The following MROH1 variants were observed in gnomAD, a reference collection of about 807,000 sequenced individuals.
The protein encoded by MROH1 is maestro heat like repeat family member 1, also known as maestro heat-like repeat-containing protein family member 1.
MROH1 carries 117 observed loss-of-function variants against 116.5 expected under a neutral mutation model. That is an observed-to-expected ratio of 1.00 (90% CI 0.86 to 1.17). The LOEUF is 1.17. Among genes scored for constraint, MROH1 ranks in the 50% most tolerant of loss-of-function variants. The probability of loss-of-function intolerance (pLI) is 0.00; values close to 1 mark genes in which losing one functional copy is unlikely to be tolerated. For synonymous variants in MROH1, 921 were observed against 583.9 expected (o/e 1.58, Z -8.32); for missense variants, 1,873 against 1,338.5 (o/e 1.40, Z -6.23).
intron 14 of MROH1, among the ~76,000 whole-genome samples, chr8:144,233,345 C>T (rs1554823454): frequency 4.1e-5 from 6 of 145,272 alleles, no homozygotes; most frequent in South Asian, 4.5e-4. Flanking sequence ...GCAGCTCCTG[C>T]ACCCACCATC....
intron 1 of MROH1, among the ~76,000 whole-genome samples, chr8:144,160,602 A>G (rs1819272862): frequency 1.3e-5 from 2 of 152,092 alleles, no homozygotes; most frequent in Non-Finnish European, 2.9e-5. Context: ...CAAATTTATT[A>G]CCATAAAGTT....
intron 8 of MROH1, 98 bp from the exon 9 acceptor site, chr8:144,191,617 G>A: frequency 1.4e-6 from 2 of 1,476,682 alleles, no homozygotes; most frequent in Non-Finnish European, 9.1e-7. Context: ...TGGTAGCCCA[G>A]TGTTCGTTCA....
At chr8:144,239,222 C>T (rs1840560474) in intron 16 of MROH1, 43 bp downstream of exon 16, 2 of 749,440 alleles carry the variant, frequency 2.7e-6, no homozygotes, top group East Asian at 2.5e-5. Context: ...CCTGCCCCCA[C>T]TTCCCCACTC....
chr8:144,161,576 G>A (rs994115196), intron 2 of MROH1, among the ~76,000 whole-genome samples: 2 of 152,194 alleles, frequency 1.3e-5, no homozygotes, highest in Non-Finnish European at 2.9e-5. Context: ...CTCTCAGGCC[G>A]CACAGTCCTT....
At chr8:144,200,635 A>G (rs1169968460) in intron 12 of MROH1, 94 bp downstream of exon 12, 1 of 910,350 alleles carries the variant, frequency 1.1e-6, no homozygotes, top group Non-Finnish European at 1.7e-6. Flanking sequence ...TGAAAGCACC[A>G]TCCTGCTTTG....
At chr8:144,164,441 A>G (rs980283295) in intron 3 of MROH1, among the ~76,000 whole-genome samples, 8 of 150,162 alleles carry the variant, frequency 5.3e-5, no homozygotes, top group East Asian at 3.9e-4. Context: ...GTCTCCCACT[A>G]TCACCCAGGG....
Position 144,210,798 on chromosome 8 carries a change from A to G in MROH1, c.1142-9802A>G, listed in dbSNP as rs147192413. Among the ~76,000 whole-genome samples the G allele has an allele frequency of 4.8e-3, 738 of 152,268 alleles. 10 individuals carry two copies. The highest frequency in any genetic ancestry group is 0.017 in the African/African-American group (716 of 41,554). The stretch of plus-strand genomic sequence containing the variant: ...TAAGTCTTTTTTTGGAGGCTTGACC[A>G]TTGGTGATTTTGTTTATTTTTAGTG... On this transcript the variant is annotated intron_variant, in intron 12 of 43. Transcript: ENST00000326134.
At chr8:144,229,049 C>G (rs1329899322) in intron 14 of MROH1, among the ~76,000 whole-genome samples, 1 of 152,190 alleles carries the variant, frequency 6.6e-6, no homozygotes, top group Non-Finnish European at 1.5e-5. Flanking sequence ...GAAACACTAC[C>G]TCATCCATTC....
Position 144,163,902 on chromosome 8 carries a change from G to A in MROH1, c.22+54G>A. ...GGTGTGAGGCCTCTCTTGCCTCTGG[G>A]TGGTCAGGGCAGGCCAAGGCTCTTA... On this transcript the variant is annotated intron_variant, in intron 3 of 43. Coordinates refer to ENST00000326134, the MANE Select transcript of MROH1 (RefSeq NM_032450.3). The surrounding 1 kb of genome is among the most constrained non-coding windows in gnomAD (Gnocchi z 4.4). The A allele has an allele frequency of 6.2e-7, 1 of 1,603,902 alleles. No homozygotes were observed. The highest frequency in any genetic ancestry group is 1.7e-5 in the Admixed American group (1 of 59,770).
At chr8:144,175,161 C>T in intron 4 of MROH1, 4 of 985,310 alleles carry the variant, frequency 4.1e-6, no homozygotes, top group Non-Finnish European at 4.8e-6. Context: ...CCCTGCTGCA[C>T]CTGAGCTTCT....
chr8:144,253,259 T>C (rs1256261867), intron 33 of MROH1, among the ~76,000 whole-genome samples: 1 of 152,178 alleles, frequency 6.6e-6, no homozygotes, highest in Non-Finnish European at 1.5e-5. Context: ...AAAAAGAATA[T>C]TTCATGACAC....
intron 14 of MROH1, among the ~76,000 whole-genome samples, chr8:144,225,103 A>AT (rs1329279069): frequency 6.6e-6 from 1 of 152,128 alleles, no homozygotes; most frequent in Non-Finnish European, 1.5e-5. Context: ...CAGTGGCACG[A>AT]TAATGGCCCA....
At chr8:144,167,132 A>G (rs1821025804) in intron 3 of MROH1, among the ~76,000 whole-genome samples, 1 of 151,968 alleles carries the variant, frequency 6.6e-6, no homozygotes. Context: ...GGAGCAAAAG[A>G]GAGGGGACAT....
chr8:144,259,808 G>A, intron 37 of MROH1, 103 bp from the exon 38 acceptor site: 1 of 702,920 alleles, frequency 1.4e-6, no homozygotes, highest in East Asian at 2.7e-5. Context: ...ACCTCTGTCT[G>A]CCACACCGGC....
At position 144,258,317 on chromosome 8, in the gene MROH1, AG is replaced by A. The variant is rs1239213154; in HGVS notation, c.3792-459del. Among the ~76,000 whole-genome samples the A allele has an allele frequency of 2.6e-5, 4 of 152,308 alleles. No homozygotes were observed. In the East Asian group the frequency reaches 7.7e-4, roughly 29 times the overall value. Reference sequence around the variant, plus strand: ...TCCCGCTCACTTGCCAGCCAGCCTCAGCCGACACTGGGAGTGGATCAGGGGC... The same window carrying A: ...TCCCGCTCACTTGCCAGCCAGCCTCACCGACACTGGGAGTGGATCAGGGGC... On this transcript the variant is annotated intron_variant, in intron 35 of 43. Transcript: ENST00000326134.
chr8:144,219,393 A>G (rs1419436609), intron 12 of MROH1, among the ~76,000 whole-genome samples: 2 of 152,082 alleles, frequency 1.3e-5, no homozygotes, highest in African/African-American at 2.4e-5. Flanking sequence ...CCTGGGCTCA[A>G]GTGATCTGCC....
At chr8:144,220,903 G>A (rs889576284) in intron 13 of MROH1, among the ~76,000 whole-genome samples, 1 of 152,166 alleles carries the variant, frequency 6.6e-6, no homozygotes, top group African/African-American at 2.4e-5. Context: ...CCAGTTATAG[G>A]CCCGCGGGTC....
chr8:144,208,702 T>G (rs1833409253), intron 12 of MROH1, among the ~76,000 whole-genome samples: 2 of 152,120 alleles, frequency 1.3e-5, no homozygotes, highest in Non-Finnish European at 2.9e-5. Context: ...ATTCTTTCCT[T>G]ACACCAATAT....
intron 4 of MROH1, 106 bp from the exon 5 acceptor site, chr8:144,179,349 G>T: frequency 6.7e-7 from 1 of 1,497,506 alleles, no homozygotes. Context: ...CTGCACTTGA[G>T]GCAGAGAGAT....
Sources: allele counts gnomAD v4.1 joint callset (sites outside exome capture counted in the v4.1 genomes callset), GRCh38; gene constraint gnomAD v4.1.1; non-coding constraint Gnocchi (gnomAD v3.1); transcripts MANE v1.5; gene names NCBI Gene and HGNC (gene_info 2026-07-23, HGNC 2026-07-21).